ASXL3: variants seen among roughly 807,000 people sequenced by gnomAD.
The protein encoded by ASXL3 is putative Polycomb group protein ASXL3.
In ASXL3, 34 loss-of-function variants were observed where a neutral mutation model predicts 170.6. The observed-to-expected ratio is 0.20, with a 90% CI of 0.15 to 0.27. ASXL3 has a LOEUF of 0.27. Among genes scored for constraint, ASXL3 ranks in the 10% least tolerant of loss-of-function variants. The probability of loss-of-function intolerance (pLI) is 1.00; values close to 1 mark genes in which losing one functional copy is unlikely to be tolerated. For synonymous variants in ASXL3, 1,002 were observed against 989.1 expected (o/e 1.01, Z -0.24); for missense variants, 2,592 against 2,695.3 (o/e 0.96, Z 0.85).
chr18:33,688,454 A>G (rs967932599), intron 8 of ASXL3, among the ~76,000 whole-genome samples: 7 of 152,216 alleles, frequency 4.6e-5, no homozygotes, highest in African/African-American at 1.7e-4. Flanking sequence ...GCAGGTTTTA[A>G]GACAGTAGAA....
intron 1 of ASXL3, among the ~76,000 whole-genome samples, chr18:33,598,618 T>A (rs1485455273): frequency 6.6e-6 from 1 of 152,240 alleles, no homozygotes; most frequent in Non-Finnish European, 1.5e-5. Flanking sequence ...GCATGATTTC[T>A]CATTTTTGAA....
rs530291122 is a variant in ASXL3, at chr18:33,670,663, T to C, written c.478-10T>C. 9.3e-6 allele frequency: 14 copies of C among 1,508,950 alleles called. No homozygotes were observed. The highest frequency in any genetic ancestry group is 2.4e-5 in the East Asian group (1 of 40,906). 93.5% of individuals were successfully genotyped at this position (1,508,950 alleles called of 1,614,324 possible). A position where few individuals can be genotyped will look rare whatever the true frequency, so the allele number is the denominator to read the frequency against. Reference sequence around the variant, plus strand: ...ATTTTTATGTTATATCTTTTTATTATGTTTTGTAGGCTTTGAGGCAGCAGC... The same window carrying C: ...ATTTTTATGTTATATCTTTTTATTACGTTTTGTAGGCTTTGAGGCAGCAGC... On this transcript the variant is annotated splice_polypyrimidine_tract_variant and intron_variant, in intron 5 of 11. Coordinates refer to ENST00000269197, the MANE Select transcript of ASXL3 (RefSeq NM_030632.3).
intron 8 of ASXL3, among the ~76,000 whole-genome samples, chr18:33,693,260 A>C (rs1173967670): frequency 6.6e-6 from 1 of 152,142 alleles, no homozygotes; most frequent in Non-Finnish European, 1.5e-5. Context: ...TAAGTTTTTA[A>C]AGCTAGGGTA....
intron 5 of ASXL3, 103 bp from the exon 6 acceptor site, chr18:33,670,570 T>C (rs531116696): frequency 2.6e-6 from 2 of 778,690 alleles, no homozygotes. Context: ...TTAAGTCTCT[T>C]AAGAGGTTCT....
chr18:33,667,149 A>T (rs993123122), intron 5 of ASXL3, among the ~76,000 whole-genome samples: 3 of 152,140 alleles, frequency 2.0e-5, no homozygotes, highest in Non-Finnish European at 4.4e-5. Flanking sequence ...AGGCCATAAA[A>T]ATCTAGCAGT....
intron 9 of ASXL3, among the ~76,000 whole-genome samples, 153 bp downstream of exon 9, chr18:33,732,217 C>T (rs1443670144): frequency 6.6e-6 from 1 of 152,060 alleles, no homozygotes; most frequent in Non-Finnish European, 1.5e-5. Context: ...TTCACTGATT[C>T]TTTTGTTATA....
At chr18:33,688,705 A>G (rs1188723273) in intron 8 of ASXL3, among the ~76,000 whole-genome samples, 2 of 152,180 alleles carry the variant, frequency 1.3e-5, no homozygotes, top group Non-Finnish European at 2.9e-5. Context: ...TATGTAGGCA[A>G]TAGTGTCAAA....
At chr18:33,673,425 A>C (rs765490875) in intron 7 of ASXL3, among the ~76,000 whole-genome samples, 1 of 146,012 alleles carries the variant, frequency 6.8e-6, no homozygotes, top group Non-Finnish European at 1.5e-5. Context: ...CCTGGGCTGG[A>C]GTACAGTGGT....
intron 2 of ASXL3, among the ~76,000 whole-genome samples, chr18:33,624,948 T>C (rs2065577232): frequency 6.6e-6 from 1 of 152,180 alleles, no homozygotes. Context: ...AGAATATATT[T>C]TAATTATGAA....
intron 1 of ASXL3, among the ~76,000 whole-genome samples, chr18:33,591,798 C>A (rs1402791659): frequency 6.6e-6 from 1 of 152,016 alleles, no homozygotes; most frequent in Non-Finnish European, 1.5e-5. Flanking sequence ...ACCACCACCA[C>A]GCCCAGCTAC....
At chr18:33,634,333 T>C (rs1159775278) in intron 2 of ASXL3, among the ~76,000 whole-genome samples, 1 of 151,894 alleles carries the variant, frequency 6.6e-6, no homozygotes, top group Non-Finnish European at 1.5e-5. Flanking sequence ...TTGCTTCTTT[T>C]TTTTTTTTTT....
chr18:33,653,423 C>A (rs1202610511), intron 4 of ASXL3, among the ~76,000 whole-genome samples: 1 of 152,084 alleles, frequency 6.6e-6, no homozygotes, highest in African/African-American at 2.4e-5. Context: ...GCTTTGTTTG[C>A]TCATGGAGAC....
intron 2 of ASXL3, among the ~76,000 whole-genome samples, 188 bp from the exon 3 acceptor site, chr18:33,644,706 G>T (rs2065893936): frequency 6.6e-6 from 1 of 151,888 alleles, no homozygotes; most frequent in South Asian, 2.1e-4. Context: ...GGTGAAACTG[G>T]ACTAGCCCTT....
intron 4 of ASXL3, among the ~76,000 whole-genome samples, chr18:33,658,053 T>C (rs952229693): frequency 1.3e-5 from 2 of 152,136 alleles, no homozygotes; most frequent in African/African-American, 4.8e-5. Flanking sequence ...CTGTTCTGAA[T>C]GCCAAGAAGA....
chr18:33,647,309 C>G (rs148006301), intron 4 of ASXL3, among the ~76,000 whole-genome samples: 5 of 152,052 alleles, frequency 3.3e-5, no homozygotes, highest in Non-Finnish European at 7.4e-5. Context: ...TTACTGCTTC[C>G]GTTCCTCTCT....
rs542862247 is a variant in ASXL3, at chr18:33,648,301, C to G, written c.355+1948C>G. Among the ~76,000 whole-genome samples the G allele has an allele frequency of 2.0e-5, 3 of 152,068 alleles. No individual in the cohort carries two copies. In the South Asian group the frequency reaches 6.2e-4, roughly 32 times the overall value. ...GGTGTTGTTGATTTGAAGGAAAGTA[C>G]TAGCAGTGGATGGGATGAAAAGTGA... On this transcript the variant is annotated intron_variant, in intron 4 of 11. Coordinates refer to ENST00000269197, the MANE Select transcript of ASXL3 (RefSeq NM_030632.3).
At chr18:33,650,983 G>T (rs1646061781) in intron 4 of ASXL3, among the ~76,000 whole-genome samples, 1 of 151,996 alleles carries the variant, frequency 6.6e-6, no homozygotes, top group Admixed American at 6.6e-5. Context: ...TTTTACCTCT[G>T]AGGGAACAAA....
rs1293839380 is a variant in ASXL3, at chr18:33,683,580, T to A, written c.879+12T>A. 6.2e-7 allele frequency: 1 copy of A among 1,604,016 alleles called. No homozygotes were observed. Among genetic ancestry groups the A allele is most frequent in the South Asian group, 1.1e-5 (1 of 89,632 alleles). ...AAGTGGATAGGCAGGTAAGTAGAAGTTTTAGACATTTGATACCAGCCACTA... is the reference window on the plus strand; with the variant it reads ...AAGTGGATAGGCAGGTAAGTAGAAGATTTAGACATTTGATACCAGCCACTA... On this transcript the variant is annotated intron_variant, in intron 8 of 11. Transcript: ENST00000269197.
rs558443831 is a variant in ASXL3 at position 33,709,182 on chromosome 18, T to G, written c.880-22786T>G. On this transcript the variant is annotated intron_variant, in intron 8 of 11. Coordinates refer to ENST00000269197, the MANE Select transcript of ASXL3 (RefSeq NM_030632.3). ...GGTGAAGAAGTGAAGCAAATAGAAC[T>G]CTATTGGTGGGAGTGAACTGCTTCT... Among the ~76,000 whole-genome samples the G allele has an allele frequency of 7.2e-4, 109 of 152,132 alleles. 1 individual carries two copies. Among genetic ancestry groups the G allele is most frequent in the African/African-American group, 2.4e-3 (98 of 41,514 alleles).
Sources: allele counts gnomAD v4.1 joint callset (sites outside exome capture counted in the v4.1 genomes callset), GRCh38; gene constraint gnomAD v4.1.1; transcripts MANE v1.5; gene names NCBI Gene and HGNC (gene_info 2026-07-23, HGNC 2026-07-21).